The following CHD9 variants were observed in gnomAD, a reference collection of about 807,000 sequenced individuals.
The protein encoded by CHD9 is chromodomain helicase DNA binding protein 9.
A neutral mutation model predicts 316.1 loss-of-function variants in CHD9; 77 were observed. The observed-to-expected ratio is 0.24, with a 90% confidence interval of 0.20 to 0.29. CHD9 has a LOEUF of 0.29. Ranked by LOEUF, CHD9 falls within the 10% of genes least tolerant of loss-of-function variation. The pLI, the probability that CHD9 is intolerant of heterozygous loss-of-function variation, is 1.00. For synonymous variants in CHD9, 1,129 were observed against 1,158.3 expected (o/e 0.97, Z 0.51); for missense variants, 2,763 against 3,438.1 (o/e 0.80, Z 4.91).
At chr16:53,313,896 T>C (rs2056675465) in intron 34 of CHD9, among the ~76,000 whole-genome samples, 1 of 149,650 alleles carries the variant, frequency 6.7e-6, no homozygotes, top group East Asian at 2.0e-4. Context: ...GAGCTTGCAG[T>C]GAGCCAAGAT....
At chr16:53,123,457 C>CT (rs1259530572) in intron 1 of CHD9, among the ~76,000 whole-genome samples, 1 of 151,870 alleles carries the variant, frequency 6.6e-6, no homozygotes, top group African/African-American at 2.4e-5. Context: ...ACAGTCAAGC[C>CT]TTTTGTATCT....
chr16:53,324,818 G>A lies in CHD9; in HGVS notation c.8617G>A (p.Glu2873Lys). 6.2e-7 allele frequency: 1 copy of A among 1,612,640 alleles called. No homozygotes were observed. The highest frequency in any genetic ancestry group is 8.5e-7 in the Non-Finnish European group (1 of 1,179,344). ...TGAAAACAGCACAGATGAGGGTTCAGAGAAAGCTGATGCTTCATCTGGATC... is the reference window on the plus strand; with the variant it reads ...TGAAAACAGCACAGATGAGGGTTCAAAGAAAGCTGATGCTTCATCTGGATC... Reference protein sequence around the residue: ...LNENSTDEGSEKADASSGSDS... With the variant: ...LNENSTDEGSKKADASSGSDS... Residue 2873 changes from glutamate to lysine, a missense_variant, in exon 39 of 39, where the codon GAG becomes AAG. Glu to Lys is a moderately conservative substitution (Grantham distance 56, BLOSUM62 1). Transcript: ENST00000447540.
At chr16:53,293,175 T>G in intron 29 of CHD9, 123 bp downstream of exon 29, 1 of 772,932 alleles carries the variant, frequency 1.3e-6, no homozygotes, top group Non-Finnish European at 2.1e-6. Flanking sequence ...CAAAGCAAAC[T>G]GCTTTGTGCA....
intron 8 of CHD9, among the ~76,000 whole-genome samples, chr16:53,230,174 A>AGT (rs2048043369): frequency 6.6e-6 from 1 of 152,234 alleles, no homozygotes; most frequent in Non-Finnish European, 1.5e-5. Flanking sequence ...ACACCATAGA[A>AGT]GTGATGCTCT....
At chr16:53,115,383 C>A (rs557191741) in intron 1 of CHD9, among the ~76,000 whole-genome samples, 1 of 152,322 alleles carries the variant, frequency 6.6e-6, no homozygotes, top group African/African-American at 2.4e-5. Context: ...ACCCATCACC[C>A]CTAAGTCTGA....
intron 1 of CHD9, among the ~76,000 whole-genome samples, chr16:53,110,518 T>C (rs1375735110): frequency 6.6e-6 from 1 of 152,226 alleles, no homozygotes; most frequent in African/African-American, 2.4e-5. Flanking sequence ...CCCAGCACTT[T>C]GGGAGGCCAA....
intron 4 of CHD9, 23 bp from the exon 5 acceptor site, chr16:53,226,343 C>A: frequency 6.8e-7 from 1 of 1,470,160 alleles, no homozygotes. Context: ...TTATATAAAT[C>A]TGATTCTTGT....
At chr16:53,258,582 C>T (rs2152984620) in intron 19 of CHD9, among the ~76,000 whole-genome samples, 1 of 152,274 alleles carries the variant, frequency 6.6e-6, no homozygotes, top group South Asian at 2.1e-4. Context: ...GACTTCAGCT[C>T]TGCTCAACTG....
chr16:53,235,929 C>T (rs780727779), intron 11 of CHD9, among the ~76,000 whole-genome samples: 3 of 152,140 alleles, frequency 2.0e-5, no homozygotes, highest in Non-Finnish European at 4.4e-5. Context: ...AATAAAGGCA[C>T]TACTGTTAGT....
Position 53,229,100 on chromosome 16 carries a change from C to A in CHD9, c.2286C>A (p.Asp762Glu). 3.3e-6 allele frequency: 5 copies of A among 1,513,304 alleles called. No homozygotes were observed. Among genetic ancestry groups the A allele is most frequent in the Admixed American group, 1.9e-5 (1 of 53,332 alleles). 93.7% of individuals were successfully genotyped at this position (1,513,304 alleles called of 1,614,324 possible). The change falls in exon 8 of 39, where the codon GAC becomes GAA. Residue 762 changes from aspartate to glutamate, a missense_variant and splice_region_variant. Asp to Glu is a conservative substitution (Grantham distance 45). Around this residue, in one of 15 missense-constraint regions of CHD9, gnomAD observed 859 missense variants for 890.4 expected, o/e 0.96. Transcript: ENST00000447540. The stretch of plus-strand genomic sequence containing the variant: ...CACAAAGAGCACATTTTTTTGCAGA[C>A]GTAAGAAAAAAATAAATAAGACTAT... ...RQAQRAHFFA[D>E]MEEEPFNPDY...
chr16:53,128,183 CA>C (rs1461403424), intron 1 of CHD9, among the ~76,000 whole-genome samples: 4 of 137,018 alleles, frequency 2.9e-5, no homozygotes, highest in African/African-American at 1.1e-4. Flanking sequence ...GGAATGGAGA[CA>C]TTTTTTTTTT....
At chr16:53,150,120 A>C (rs2040978923) in intron 1 of CHD9, among the ~76,000 whole-genome samples, 1 of 151,912 alleles carries the variant, frequency 6.6e-6, no homozygotes. Flanking sequence ...ATTGATAAAG[A>C]AAACATACTT....
At chr16:53,296,703 CCAA>C (rs1473143225) in intron 29 of CHD9, among the ~76,000 whole-genome samples, 1 of 151,948 alleles carries the variant, frequency 6.6e-6, no homozygotes, top group Non-Finnish European at 1.5e-5. Flanking sequence ...CCTCGGCCTC[CCAA>C]AGTGCTGGGA....
In CHD9 at chr16:53,226,446, A is replaced by G; in HGVS notation, c.1977A>G (p.Lys659=). The G allele has an allele frequency of 6.2e-7, 1 of 1,606,808 alleles. No individual in the cohort carries two copies. The highest frequency in any genetic ancestry group is 1.7e-5 in the Admixed American group (1 of 58,120). Residue 659 remains lysine (K), a synonymous_variant, in exon 5 of 39, where the codon AAA becomes AAG. Coordinates refer to ENST00000447540, the MANE Select transcript of CHD9 (RefSeq NM_001308319.2). ...IEGKQSEEEV[K]GSMKIKKNSA... ...GGAAGCAATCTGAAGAAGAGGTTAA[A>G]GGTTCTATGAAAATAAAAAAGAATT... is the stretch of plus-strand genomic sequence containing the variant.
intron 26 of CHD9, among the ~76,000 whole-genome samples, chr16:53,287,694 T>C (rs2054000766): frequency 1.3e-5 from 2 of 152,128 alleles, no homozygotes; most frequent in Admixed American, 1.3e-4. Flanking sequence ...GCCACCGCAC[T>C]CCGGCCTGGG....
intron 1 of CHD9, among the ~76,000 whole-genome samples, chr16:53,101,522 G>C (rs893847688): frequency 3.3e-5 from 5 of 152,092 alleles, no homozygotes; most frequent in African/African-American, 1.2e-4. Context: ...AACTTATGAA[G>C]TTACTGCCTG....
chr16:53,323,927 T>C, intron 38 of CHD9, 93 bp from the exon 39 acceptor site: 1 of 1,037,402 alleles, frequency 9.6e-7, no homozygotes, highest in Non-Finnish European at 1.4e-6. Context: ...TTACAAATAA[T>C]TACCTATTTT....
chr16:53,226,326 A>G (rs752599793), intron 4 of CHD9, 40 bp from the exon 5 acceptor site: 82 of 1,402,076 alleles, frequency 5.8e-5, no homozygotes, highest in Non-Finnish European at 1.2e-5. Flanking sequence ...CTTTTCTTCA[A>G]AATAAATTAT....
intron 36 of CHD9, among the ~76,000 whole-genome samples, chr16:53,316,376 T>C (rs1203389759): frequency 6.6e-6 from 1 of 152,190 alleles, no homozygotes; most frequent in Non-Finnish European, 1.5e-5. Flanking sequence ...GTAAACAATA[T>C]AAAGTTTTTG....
Sources: gnomAD v4.1 joint callset for allele counts (sites outside exome capture counted in the v4.1 genomes callset) on GRCh38, gnomAD v4.1.1 for gene constraint, gnomAD v4.1.1 regional missense constraint, MANE v1.5 for transcripts, NCBI Gene and HGNC (gene_info 2026-07-23, HGNC 2026-07-21) for gene names.